Variants in TRPM3 observed in about 807,000 individuals in gnomAD.
TRPM3 encodes the protein transient receptor potential cation channel subfamily M member 3, also known as long transient receptor potential channel 3.
TRPM3 carries 77 observed loss-of-function variants against 181.2 expected under a neutral mutation model. The observed-to-expected ratio is 0.42, with a 90% CI of 0.35 to 0.51. The LOEUF (loss-of-function observed/expected upper bound fraction) is 0.51, where lower values mean the gene tolerates loss of function less well. TRPM3 is among the 20% of genes least tolerant of loss of function. TRPM3 has a pLI of 0.01. For synonymous variants in TRPM3, 745 were observed against 796.4 expected, an observed-to-expected ratio of 0.94 and a Z score of 1.09; for missense variants, 1,759 against 2,196.7, an observed-to-expected ratio of 0.80 and a Z score of 3.98.
At chr9:70,865,103 A>T (rs78934848) in intron 1 of TRPM3, among the ~76,000 whole-genome samples, 1 of 151,848 alleles carries the variant, frequency 6.6e-6, no homozygotes, top group Non-Finnish European at 1.5e-5. Context: ...TCATAGTCCA[A>T]AATTTTACAG....
chr9:71,189,862 G>A (rs2077904604), intron 1 of TRPM3, among the ~76,000 whole-genome samples: 1 of 151,728 alleles, frequency 6.6e-6, no homozygotes, highest in Non-Finnish European at 1.5e-5. Flanking sequence ...TACCTCTAAT[G>A]TGGTTTTCAA....
intron 19 of TRPM3, among the ~76,000 whole-genome samples, chr9:70,605,949 T>C (rs1290715918): frequency 6.6e-6 from 1 of 152,144 alleles, no homozygotes; most frequent in African/African-American, 2.4e-5. Context: ...CTTAAGTAAC[T>C]CCTTAAACCT....
intron 8 of TRPM3, among the ~76,000 whole-genome samples, chr9:70,696,214 G>A (rs971343048): frequency 2.0e-5 from 3 of 152,224 alleles, no homozygotes; most frequent in African/African-American, 7.2e-5. Context: ...CTCAGTCCAA[G>A]TCTAGCCTGT....
At chr9:70,694,712 C>G (rs1406459250) in intron 8 of TRPM3, among the ~76,000 whole-genome samples, 1 of 152,184 alleles carries the variant, frequency 6.6e-6, no homozygotes, top group Non-Finnish European at 1.5e-5. Context: ...AATCTCCTGA[C>G]CTCGTGATCC....
intron 1 of TRPM3, among the ~76,000 whole-genome samples, chr9:71,042,017 A>G (rs1485803573): frequency 1.3e-5 from 2 of 152,194 alleles, no homozygotes; most frequent in Non-Finnish European, 2.9e-5. Context: ...TAATCAATAC[A>G]TACACACACA....
At chr9:71,138,346 C>T (rs2074894462) in intron 1 of TRPM3, among the ~76,000 whole-genome samples, 1 of 152,150 alleles carries the variant, frequency 6.6e-6, no homozygotes, top group African/African-American at 2.4e-5. Context: ...TGGAGCTTTT[C>T]CATCCCCAGG....
chr9:71,138,172 A>G (rs2074884124), intron 1 of TRPM3, among the ~76,000 whole-genome samples: 1 of 152,154 alleles, frequency 6.6e-6, no homozygotes, highest in South Asian at 2.1e-4. Context: ...GAAGTATTAG[A>G]AATCAAGAAA....
Position 71,219,179 on chromosome 9 carries a change from T to TTG in TRPM3, c.183+227472_183+227473dup, listed in dbSNP as rs568444008. Among the ~76,000 whole-genome samples, 10 of 151,914 alleles carry TTG rather than the reference T, an allele frequency of 6.6e-5. No individual in the cohort carries two copies. In the East Asian group the frequency reaches 1.6e-3, roughly 24 times the overall value. On this transcript the variant is annotated intron_variant, in intron 1 of 24. Coordinates refer to the TRPM3 transcript ENST00000357533. ...AGAATTACCAAACGTTAAAAGAAGG[T>TTG]TGTGTGTGTGTGTTGGGGGTGGGGG...
chr9:70,968,672 GTT>G (rs1173202887), intron 1 of TRPM3, among the ~76,000 whole-genome samples: 1 of 151,808 alleles, frequency 6.6e-6, no homozygotes, highest in Admixed American at 6.6e-5. Context: ...TTGTGGGATG[GTT>G]TTTTTTGTGT....
intron 1 of TRPM3, among the ~76,000 whole-genome samples, chr9:70,993,213 T>G (rs893087300): frequency 1.3e-5 from 2 of 152,162 alleles, no homozygotes; most frequent in African/African-American, 2.4e-5. Context: ...TAATTTTATC[T>G]GTATTTCATA....
intron 1 of TRPM3, among the ~76,000 whole-genome samples, chr9:70,974,238 T>C (rs1052978212): frequency 9.9e-5 from 15 of 152,020 alleles, no homozygotes; most frequent in Admixed American, 3.9e-4. Context: ...AGAGGAGAAA[T>C]GTGTTTAAAT....
intron 1 of TRPM3, among the ~76,000 whole-genome samples, chr9:71,213,886 CAT>C (rs2079677955): frequency 6.6e-6 from 1 of 152,146 alleles, no homozygotes; most frequent in African/African-American, 2.4e-5. Flanking sequence ...GTACAACAAA[CAT>C]ATAATAGGAT....
chr9:71,309,667 A>G (rs908218708), intron 1 of TRPM3, among the ~76,000 whole-genome samples: 1 of 152,180 alleles, frequency 6.6e-6, no homozygotes, highest in Non-Finnish European at 1.5e-5. Flanking sequence ...TAAATAATGG[A>G]AAAACAAAAC....
chr9:71,057,937 T>C (rs1015567600), intron 1 of TRPM3, among the ~76,000 whole-genome samples: 5 of 152,108 alleles, frequency 3.3e-5, no homozygotes, highest in Admixed American at 2.0e-4. Context: ...AATAAAATCT[T>C]ACACCTCATT....
At chr9:70,818,241 T>G (rs897652124) in intron 6 of TRPM3, among the ~76,000 whole-genome samples, 2 of 152,234 alleles carry the variant, frequency 1.3e-5, no homozygotes, top group Non-Finnish European at 1.5e-5. Context: ...TTGAAAAGCA[T>G]GATTCATGAA....
intron 7 of TRPM3, among the ~76,000 whole-genome samples, chr9:70,779,716 G>A (rs1376547027): frequency 6.6e-6 from 1 of 152,122 alleles, no homozygotes; most frequent in Non-Finnish European, 1.5e-5. Context: ...TATTTGGGTA[G>A]CATGAATCTC....
chr9:70,998,261 A>T (rs1430451136), intron 1 of TRPM3, among the ~76,000 whole-genome samples: 2 of 131,938 alleles, frequency 1.5e-5, no homozygotes, highest in African/African-American at 2.7e-5. Flanking sequence ...ATATATATAT[A>T]TATATTTTTT....
At chr9:71,363,668 C>T (rs780789813) in intron 1 of TRPM3, among the ~76,000 whole-genome samples, 10 of 152,186 alleles carry the variant, frequency 6.6e-5, no homozygotes, top group Non-Finnish European at 1.3e-4. Flanking sequence ...AACTCATTCT[C>T]ACCCATCAAG....
chr9:70,629,468 T>C (rs1470388283), intron 12 of TRPM3, among the ~76,000 whole-genome samples: 2 of 152,034 alleles, frequency 1.3e-5, no homozygotes, highest in Non-Finnish European at 2.9e-5. Flanking sequence ...CCAGTGTAGT[T>C]GGGATTACAG....
Sources: allele counts gnomAD v4.1 joint callset (sites outside exome capture counted in the v4.1 genomes callset), GRCh38; gene constraint gnomAD v4.1.1; transcripts MANE v1.5; gene names NCBI Gene and HGNC (gene_info 2026-07-23, HGNC 2026-07-21).